Variants in DIS3L2 observed in about 807,000 individuals in gnomAD.
DIS3L2 encodes the protein DIS3-like exonuclease 2.
Under a neutral mutation model 97.5 loss-of-function variants are expected in DIS3L2, and 34 were observed. The observed-to-expected ratio is 0.35, with a 90% confidence interval of 0.27 to 0.46. DIS3L2 has a LOEUF of 0.46. DIS3L2 is among the 20% of genes least tolerant of loss of function. The pLI is 1.00. For synonymous variants in DIS3L2, 435 were observed against 445.2 expected (o/e 0.98, Z 0.29); for missense variants, 1,038 against 1,146.0 (o/e 0.91, Z 1.36).
intron 6 of DIS3L2, among the ~76,000 whole-genome samples, chr2:232,097,994 C>A (rs1321365847): frequency 1.3e-5 from 2 of 152,078 alleles, no homozygotes; most frequent in African/African-American, 4.8e-5. Flanking sequence ...CTGAGTCATT[C>A]CCTTCAAGGC....
intron 5 of DIS3L2, among the ~76,000 whole-genome samples, chr2:232,049,122 T>C (rs1695329450): frequency 6.6e-6 from 1 of 152,170 alleles, no homozygotes; most frequent in African/African-American, 2.4e-5. Context: ...AATATTTCCT[T>C]GAGTGGATGT....
chr2:232,059,588 A>G (rs1473530142), intron 5 of DIS3L2, among the ~76,000 whole-genome samples: 1 of 152,160 alleles, frequency 6.6e-6, no homozygotes, highest in East Asian at 1.9e-4. Context: ...CCTGTCACCC[A>G]AGTATTGAAC....
rs373987145 is a variant in DIS3L2 at position 232,300,032 on chromosome 2, C to G, written c.1660-8C>G. On this transcript the variant is annotated splice_region_variant and splice_polypyrimidine_tract_variant and intron_variant, in intron 13 of 20. Coordinates refer to ENST00000325385, the MANE Select transcript of DIS3L2 (RefSeq NM_152383.5). ...TAAAACTTCTTTTTCTCTTCTCTCT[C>G]TCTTCAGCTAAAGCTTGCTTTCACT... 13 of 1,612,946 alleles carry G rather than the reference C, an allele frequency of 8.1e-6. No individual in the cohort carries two copies. The highest frequency in any genetic ancestry group is 3.3e-4 in the Middle Eastern group (2 of 6,060).
At chr2:232,004,579 CTT>C (rs938966664) in intron 1 of DIS3L2, among the ~76,000 whole-genome samples, 2 of 143,360 alleles carry the variant, frequency 1.4e-5, no homozygotes, top group East Asian at 2.0e-4. Context: ...TTTTAAGTTT[CTT>C]TTTTTTTTTT....
At chr2:232,114,832 T>C (rs1403829434) in intron 6 of DIS3L2, among the ~76,000 whole-genome samples, 2 of 152,174 alleles carry the variant, frequency 1.3e-5, no homozygotes, top group African/African-American at 4.8e-5. Context: ...TGGTTATAAC[T>C]GAATACCTGA....
At chr2:232,264,495 T>C (rs974701652) in intron 13 of DIS3L2, among the ~76,000 whole-genome samples, 1 of 152,222 alleles carries the variant, frequency 6.6e-6, no homozygotes, top group African/African-American at 2.4e-5. Flanking sequence ...TGTCAGTATA[T>C]TACAGAGGAG....
chr2:232,209,261 C>T (rs1247587021), intron 9 of DIS3L2, among the ~76,000 whole-genome samples: 1 of 152,076 alleles, frequency 6.6e-6, no homozygotes, highest in African/African-American at 2.4e-5. Context: ...ATTAGAGCAG[C>T]TTGGCAGCCT....
intron 16 of DIS3L2, among the ~76,000 whole-genome samples, chr2:232,333,288 C>T (rs1184143564): frequency 1.3e-5 from 2 of 149,756 alleles, no homozygotes; most frequent in Admixed American, 1.3e-4. Flanking sequence ...TCTGCCTCCA[C>T]CTCTGCCATC....
At chr2:232,209,287 C>T (rs578051191) in intron 9 of DIS3L2, among the ~76,000 whole-genome samples, 8 of 152,156 alleles carry the variant, frequency 5.3e-5, no homozygotes, top group Admixed American at 2.0e-4. Context: ...GACAGGGTCT[C>T]GCTCTATTGT....
chr2:232,296,927 T>G (rs1047053266), intron 13 of DIS3L2, among the ~76,000 whole-genome samples: 7 of 152,300 alleles, frequency 4.6e-5, no homozygotes, highest in Admixed American at 3.9e-4. Context: ...GTGAACATAG[T>G]TTCCTGACTT....
At chr2:232,161,965 G>GTT (rs1290874718) in intron 8 of DIS3L2, among the ~76,000 whole-genome samples, 1 of 151,948 alleles carries the variant, frequency 6.6e-6, no homozygotes, top group African/African-American at 2.4e-5. Flanking sequence ...TAGAGACGGG[G>GTT]TTTCACCATG....
chr2:232,325,479 C>G lies in DIS3L2; in HGVS notation c.1740-4334C>G, dbSNP rs1695546299. Among the ~76,000 whole-genome samples the G allele has an allele frequency of 6.6e-6, 1 of 152,176 alleles. No homozygotes were observed. Among genetic ancestry groups the G allele is most frequent in the African/African-American group, 2.4e-5 (1 of 41,440 alleles). The stretch of plus-strand genomic sequence containing the variant: ...GTGAGGGGCTCGCTGAGCCTCATAC[C>G]TGAGCCTCCCCCTCCCCACCCCCTC... On this transcript the variant is annotated intron_variant, in intron 14 of 20. Coordinates refer to ENST00000325385, the MANE Select transcript of DIS3L2 (RefSeq NM_152383.5). The surrounding 1 kb of genome is among the most constrained non-coding windows in gnomAD (Gnocchi z 4.6).
intron 9 of DIS3L2, among the ~76,000 whole-genome samples, chr2:232,164,480 T>C (rs1224688495): frequency 2.0e-5 from 3 of 152,182 alleles, no homozygotes; most frequent in African/African-American, 7.2e-5. Context: ...AGGTTTTTGC[T>C]AAGGTCATCC....
chr2:231,965,447 CTT>C (rs36010857), intron 1 of DIS3L2, among the ~76,000 whole-genome samples: 7 of 140,408 alleles, frequency 5.0e-5, no homozygotes, highest in Admixed American at 7.1e-5. Context: ...TCTGAATTGA[CTT>C]TTTTTTTTTT....
intron 6 of DIS3L2, among the ~76,000 whole-genome samples, chr2:232,123,663 C>G (rs1434455678): frequency 1.3e-5 from 2 of 152,062 alleles, no homozygotes; most frequent in African/African-American, 4.8e-5. Context: ...ATACACCCTC[C>G]CACTGAAACA....
rs762357262 is a variant in DIS3L2, at chr2:232,210,423, A to C, written c.1204+18A>C. The C allele has an allele frequency of 1.2e-6, 2 of 1,609,634 alleles. No individual in the cohort carries two copies. The highest frequency in any genetic ancestry group is 1.1e-5 in the South Asian group (1 of 90,982). The stretch of plus-strand genomic sequence containing the variant: ...CGCTGACGGTAGGATGGAAATTTCT[A>C]TAGCATCTTGGGTAGCAGGCAGTCT... On this transcript the variant is annotated intron_variant, in intron 10 of 20. Coordinates refer to ENST00000325385, the MANE Select transcript of DIS3L2 (RefSeq NM_152383.5).
intron 5 of DIS3L2, among the ~76,000 whole-genome samples, chr2:232,050,311 G>A (rs111828351): frequency 9.9e-5 from 15 of 151,886 alleles, no homozygotes; most frequent in East Asian, 1.9e-4. Flanking sequence ...TCGCTCTGTC[G>A]CCCAGGCTGT....
chr2:232,116,992 C>T (rs1217128191), intron 6 of DIS3L2, among the ~76,000 whole-genome samples: 3 of 152,216 alleles, frequency 2.0e-5, no homozygotes, highest in African/African-American at 7.2e-5. Context: ...AGTCCCACAT[C>T]TCTGCTCCTC....
Position 232,269,251 on chromosome 2 carries a change from C to T in DIS3L2, c.1659+5811C>T, listed in dbSNP as rs1693922786. 6.6e-6 allele frequency among the ~76,000 whole-genome samples: 1 copy of T among 152,174 alleles called. No homozygotes were observed. The highest frequency in any genetic ancestry group is 2.4e-5 in the African/African-American group (1 of 41,436). On this transcript the variant is annotated intron_variant, in intron 13 of 20. Transcript: ENST00000325385. This position sits in a 1 kb window ranked among gnomAD's most constrained non-coding sequence, Gnocchi z 4.5. ...ATGTTTTGTTGAATCTGTTTCTGTT[C>T]CTTCTCTCCAATACAGTCGCTTTCA...
Sources: allele counts gnomAD v4.1 joint callset (sites outside exome capture counted in the v4.1 genomes callset), GRCh38; gene constraint gnomAD v4.1.1; non-coding constraint Gnocchi (gnomAD v3.1); transcripts MANE v1.5; gene names NCBI Gene and HGNC (gene_info 2026-07-23, HGNC 2026-07-21).